The following HTRA1 variants were observed in gnomAD, a reference collection of about 807,000 sequenced individuals.
HTRA1 encodes the protein HtrA serine peptidase 1, also known as serine protease HTRA1.
Under a neutral mutation model 49.7 loss-of-function variants are expected in HTRA1, and 26 were observed. The ratio of observed to expected loss-of-function variants is 0.52; its 90% CI spans 0.38 to 0.73. The LOEUF is 0.73. HTRA1 is among the 30% of genes least tolerant of loss of function. The pLI is 0.00. For synonymous variants in HTRA1, 291 were observed against 286.9 expected (o/e 1.01, Z -0.14); for missense variants, 561 against 667.2 (o/e 0.84, Z 1.75).
At chr10:122,491,942 G>A (rs1389422677) in intron 3 of HTRA1, among the ~76,000 whole-genome samples, 1 of 152,218 alleles carries the variant, frequency 6.6e-6, no homozygotes, top group Admixed American at 6.5e-5. Flanking sequence ...AAAGTAGGGA[G>A]AGTAACAGCA....
chr10:122,500,750 C>T (rs1422543730), intron 3 of HTRA1, among the ~76,000 whole-genome samples: 1 of 152,190 alleles, frequency 6.6e-6, no homozygotes, highest in African/African-American at 2.4e-5. Context: ...ACAGGCCCAA[C>T]TTTTCTGCCC....
chr10:122,507,940 C>T (rs2097503870), intron 5 of HTRA1, among the ~76,000 whole-genome samples: 1 of 132,044 alleles, frequency 7.6e-6, no homozygotes. Context: ...GAACACAGAC[C>T]AGCAGAGCTA....
At chr10:122,502,939 C>T (rs1405858435) in intron 3 of HTRA1, among the ~76,000 whole-genome samples, 2 of 152,258 alleles carry the variant, frequency 1.3e-5, no homozygotes, top group Admixed American at 6.5e-5. Context: ...TGCCCTCTTT[C>T]TTCTCCTCTT....
chr10:122,488,441 A>G (rs907337115), intron 1 of HTRA1, among the ~76,000 whole-genome samples: 2 of 152,190 alleles, frequency 1.3e-5, no homozygotes, highest in African/African-American at 4.8e-5. Context: ...GGGTGCCTGT[A>G]ATCCCAGTTA....
intron 3 of HTRA1, among the ~76,000 whole-genome samples, chr10:122,501,517 G>T (rs892086611): frequency 1.3e-5 from 2 of 152,070 alleles, no homozygotes; most frequent in Admixed American, 6.5e-5. Context: ...GACACTCATG[G>T]TTGCCCACCC....
intron 3 of HTRA1, among the ~76,000 whole-genome samples, chr10:122,493,737 G>A (rs2097497019): frequency 6.6e-6 from 1 of 152,140 alleles, no homozygotes; most frequent in African/African-American, 2.4e-5. Flanking sequence ...TACAGCCTTT[G>A]CAGATTTCCT....
In HTRA1 at chr10:122,514,210, G is replaced by A. The variant is rs758174014; in HGVS notation, c.1294G>A (p.Asp432Asn). The change falls in exon 9 of 9, where the codon GAC becomes AAC. Residue 432 changes from aspartate to asparagine, a missense_variant. Physicochemically the swap from Asp to Asn is conservative, Grantham distance 23 (BLOSUM62 1). This residue lies in a region of HTRA1 where 179 missense variants were observed against 173.4 expected (regional missense o/e 1.03). Transcript: ENST00000368984. ...PAEAGGLKEN[D>N]VIISINGQSV... is the part of the protein sequence containing the mutation. ...TTGCAGTGGTGGTCTCAAGGAAAAC[G>A]ACGTCATAATCAGCATCAATGGACA... 5 of 1,613,746 alleles carry A rather than the reference G, an allele frequency of 3.1e-6. No individual in the cohort carries two copies. The highest frequency in any genetic ancestry group is 2.2e-5 in the East Asian group (1 of 44,874).
rs891278746 is a variant in HTRA1, at chr10:122,506,575, G to A, written c.778-116G>A. The A allele has an allele frequency of 1.1e-5, 10 of 874,912 alleles. No individual in the cohort carries two copies. Among genetic ancestry groups the A allele is most frequent in the Non-Finnish European group, 1.5e-5 (8 of 529,560 alleles). 54.2% of individuals were successfully genotyped at this position (874,912 alleles called of 1,614,324 possible). A position where few individuals can be genotyped will look rare whatever the true frequency, so the allele number is the denominator to read the frequency against. ...AGTTGTGAGCTCAGTTCCCCACCGG[G>A]CCTGGTGTTTCCAAATAGCCCGTCA... On this transcript the variant is annotated intron_variant, in intron 3 of 8. Coordinates refer to ENST00000368984, the MANE Select transcript of HTRA1 (RefSeq NM_002775.5). This position sits in a 1 kb window ranked among gnomAD's most constrained non-coding sequence, Gnocchi z 5.2.
At chr10:122,511,018 T>C (rs2097505308) in intron 7 of HTRA1, among the ~76,000 whole-genome samples, 1 of 150,958 alleles carries the variant, frequency 6.6e-6, no homozygotes, top group African/African-American at 2.4e-5. Flanking sequence ...CCCAGCTTCC[T>C]GGGTTCCTGT....
At chr10:122,505,299 C>T (rs1001821235) in intron 3 of HTRA1, among the ~76,000 whole-genome samples, 1 of 152,138 alleles carries the variant, frequency 6.6e-6, no homozygotes, top group African/African-American at 2.4e-5. Context: ...GGACCTTCCT[C>T]CTCCTCAGTC....
At chr10:122,485,671 G>C (rs1272779698) in intron 1 of HTRA1, among the ~76,000 whole-genome samples, 1 of 152,228 alleles carries the variant, frequency 6.6e-6, no homozygotes, top group Non-Finnish European at 1.5e-5. Flanking sequence ...GTGACTGTGT[G>C]AGAAGGGAAC....
intron 3 of HTRA1, among the ~76,000 whole-genome samples, chr10:122,504,335 G>T (rs2097502143): frequency 6.6e-6 from 1 of 152,224 alleles, no homozygotes; most frequent in African/African-American, 2.4e-5. Context: ...TAGAGCCTGG[G>T]CCTGCCTCCC....
At chr10:122,476,500 C>A (rs1438488897) in intron 1 of HTRA1, among the ~76,000 whole-genome samples, 1 of 152,194 alleles carries the variant, frequency 6.6e-6, no homozygotes, top group Non-Finnish European at 1.5e-5. Flanking sequence ...AGGGGTGGAG[C>A]CCACATTCCA....
intron 1 of HTRA1, among the ~76,000 whole-genome samples, chr10:122,463,282 G>C (rs1002330179): frequency 6.6e-6 from 1 of 152,218 alleles, no homozygotes; most frequent in Non-Finnish European, 1.5e-5. Context: ...GAGCCGAACT[G>C]GGTGAAATTC....
chr10:122,489,032 TC>T, intron 2 of HTRA1, 31 bp downstream of exon 2: 1 of 1,499,014 alleles, frequency 6.7e-7, no homozygotes, highest in East Asian at 2.3e-5. Context: ...TCCTATAACC[TC>T]CGAAGCTTTC....
rs368015724 is a variant in HTRA1, at chr10:122,505,060, T to C, written c.778-1631T>C. 6.6e-5 allele frequency among the ~76,000 whole-genome samples: 10 copies of C among 152,358 alleles called. No homozygotes were observed. The South Asian group carries it at 1.7e-3, about 25-fold the overall frequency. ...AGCAAAACCAACACCTAGATGGTGC[T>C]TACAGGAGCCAGCGGGTATTCAAAG... On this transcript the variant is annotated intron_variant, in intron 3 of 8. Coordinates refer to ENST00000368984, the MANE Select transcript of HTRA1 (RefSeq NM_002775.5).
chr10:122,489,518 C>A lies in HTRA1; in HGVS notation c.669C>A (p.Thr223=), dbSNP rs1257988781. Residue 223 remains threonine (T), a synonymous_variant, in exon 3 of 9, where the codon ACC becomes ACA. Coordinates refer to ENST00000368984, the MANE Select transcript of HTRA1 (RefSeq NM_002775.5). ...TCGTGACAAATGCCCACGTGGTGACCAACAAGCACCGGGTCAAAGTTGAGC... is the reference window on the plus strand; with the variant it reads ...TCGTGACAAATGCCCACGTGGTGACAAACAAGCACCGGGTCAAAGTTGAGC... ...GLIVTNAHVV[T]NKHRVKVELK... 1.9e-6 allele frequency: 3 copies of A among 1,614,134 alleles called. No homozygotes were observed. The highest frequency in any genetic ancestry group is 3.3e-5 in the Admixed American group (2 of 60,016).
At chr10:122,501,419 A>G (rs1160676465) in intron 3 of HTRA1, among the ~76,000 whole-genome samples, 1 of 152,240 alleles carries the variant, frequency 6.6e-6, no homozygotes, top group Non-Finnish European at 1.5e-5. Context: ...ATGAGGGAGT[A>G]TGGACTTGTA....
intron 1 of HTRA1, among the ~76,000 whole-genome samples, chr10:122,471,125 T>A (rs1565410790): frequency 1.3e-5 from 2 of 152,126 alleles, no homozygotes; most frequent in South Asian, 4.1e-4. Context: ...GACTTTCTGT[T>A]TAATGTTTGC....
Sources: allele counts gnomAD v4.1 joint callset (sites outside exome capture counted in the v4.1 genomes callset), GRCh38; gene constraint gnomAD v4.1.1; regional missense constraint gnomAD v4.1.1; non-coding constraint Gnocchi (gnomAD v3.1); transcripts MANE v1.5; gene names NCBI Gene and HGNC (gene_info 2026-07-23, HGNC 2026-07-21).